XKR6: variants seen among roughly 807,000 people sequenced by gnomAD.
XKR6 encodes the protein XK related 6, also known as XK-related protein 6.
Under a neutral mutation model 56.7 loss-of-function variants are expected in XKR6, and 22 were observed. The ratio of observed to expected loss-of-function variants is 0.39; its 90% confidence interval spans 0.28 to 0.55. XKR6 has a LOEUF of 0.55. Ranked by LOEUF, XKR6 falls within the 20% of genes least tolerant of loss-of-function variation. XKR6 has a pLI of 0.66. For missense variants in XKR6, 852 were observed against 889.0 expected (o/e 0.96, Z 0.53); for synonymous variants, 524 against 387.8 (o/e 1.35, Z -4.13).
At chr8:10,905,087 G>T (rs1042469269) in intron 2 of XKR6, among the ~76,000 whole-genome samples, 1 of 152,122 alleles carries the variant, frequency 6.6e-6, no homozygotes, top group African/African-American at 2.4e-5. Context: ...TCCCATCAGC[G>T]GGTAGCCAGG....
chr8:10,901,261 G>A (rs962051839), intron 2 of XKR6, among the ~76,000 whole-genome samples: 1 of 151,988 alleles, frequency 6.6e-6, no homozygotes, highest in African/African-American at 2.4e-5. Context: ...TCACCATGTT[G>A]GCCAGGCTGG....
chr8:11,024,206 T>TA (rs1798810502), intron 1 of XKR6, among the ~76,000 whole-genome samples: 1 of 39,784 alleles, frequency 2.5e-5, no homozygotes, highest in African/African-American at 4.2e-4. Flanking sequence ...TGTTAGGAGG[T>TA]GTGTGTGTGT....
chr8:10,949,108 C>T (rs958898253), intron 1 of XKR6, among the ~76,000 whole-genome samples: 3 of 152,212 alleles, frequency 2.0e-5, no homozygotes, highest in South Asian at 2.1e-4. Context: ...CCTGGGAGTC[C>T]GGGGTGAGCC....
chr8:11,149,044 G>C (rs1049960366), intron 1 of XKR6, among the ~76,000 whole-genome samples: 8 of 152,210 alleles, frequency 5.3e-5, no homozygotes, highest in Non-Finnish European at 1.0e-4. Context: ...AGGCACATAA[G>C]GAAACTGTGG....
rs373188773 is a variant in XKR6, at chr8:11,076,137, T to C, written c.764+124439A>G. ...GCCCGTCACAAAATGACAAATACTA[T>C]ATGATGCTTCTTATATGAGGTCCAT... On this transcript the variant is annotated intron_variant, in intron 1 of 2. Transcript: ENST00000416569. Among the ~76,000 whole-genome samples, 12 of 152,324 alleles carry C rather than the reference T, an allele frequency of 7.9e-5. No homozygotes were observed. In the East Asian group the frequency reaches 1.5e-3, roughly 20 times the overall value.
intron 1 of XKR6, among the ~76,000 whole-genome samples, chr8:11,140,281 G>C (rs1563167803): frequency 6.6e-6 from 1 of 152,144 alleles, no homozygotes. Context: ...TACAATCCAA[G>C]AAACGTTTTC....
chr8:11,091,450 A>AATAAATAAATAAATAT (rs1798068130), intron 1 of XKR6, among the ~76,000 whole-genome samples: 19 of 151,854 alleles, frequency 1.3e-4, no homozygotes, highest in Non-Finnish European at 1.5e-5. Flanking sequence ...TAAATAAATA[A>AATAAATAAATAAATAT]ATAAATAGAT....
At chr8:11,080,873 G>C (rs1193206647) in intron 1 of XKR6, among the ~76,000 whole-genome samples, 1 of 152,216 alleles carries the variant, frequency 6.6e-6, no homozygotes, top group African/African-American at 2.4e-5. Flanking sequence ...CTTTGGAGAG[G>C]AGAATAGAGA....
chr8:10,916,768 T>C (rs1419603134), intron 2 of XKR6, among the ~76,000 whole-genome samples: 1 of 152,224 alleles, frequency 6.6e-6, no homozygotes, highest in East Asian at 1.9e-4. Flanking sequence ...GCACAGACAT[T>C]TCTGCTTAAT....
At chr8:10,968,329 G>C (rs1399416656) in intron 1 of XKR6, among the ~76,000 whole-genome samples, 2 of 152,250 alleles carry the variant, frequency 1.3e-5, no homozygotes, top group African/African-American at 4.8e-5. Flanking sequence ...TTAGAGAACA[G>C]AGAAGTTAGC....
chr8:11,021,970 C>G (rs1166086349), intron 1 of XKR6, among the ~76,000 whole-genome samples: 1 of 151,668 alleles, frequency 6.6e-6, no homozygotes, highest in Non-Finnish European at 1.5e-5. Flanking sequence ...GTTGCATTTC[C>G]TTAGCCTCTG....
chr8:11,177,867 G>A (rs1192305217), intron 1 of XKR6, among the ~76,000 whole-genome samples: 3 of 152,174 alleles, frequency 2.0e-5, no homozygotes, highest in Non-Finnish European at 4.4e-5. Context: ...CAGTTCCTGC[G>A]ATTAAATACT....
At chr8:11,087,050 C>T (rs189363293) in intron 1 of XKR6, among the ~76,000 whole-genome samples, 36 of 152,244 alleles carry the variant, frequency 2.4e-4, no homozygotes, top group Admixed American at 6.5e-4. Flanking sequence ...CAATTAACCC[C>T]GAACTCCCCT....
intron 1 of XKR6, among the ~76,000 whole-genome samples, chr8:11,009,789 T>C (rs1480592386): frequency 6.6e-6 from 1 of 152,234 alleles, no homozygotes. Context: ...GCATGGACTT[T>C]AATTAACACT....
chr8:11,088,541 G>A (rs1318231803), intron 1 of XKR6, among the ~76,000 whole-genome samples: 1 of 152,188 alleles, frequency 6.6e-6, no homozygotes, highest in African/African-American at 2.4e-5. Context: ...AAATGAAAGG[G>A]CTGAATGGCC....
chr8:10,966,767 C>T lies in XKR6; in HGVS notation c.765-41937G>A, dbSNP rs149530073. 7.9e-5 allele frequency among the ~76,000 whole-genome samples: 12 copies of T among 152,282 alleles called. No homozygotes were observed. The South Asian group carries it at 1.9e-3, about 24-fold the overall frequency. Reference sequence around the variant, plus strand: ...TAGAATAGGGTCTCTGGGGATGGGGCCCAGGAAACCAGGTTTTAACAAACC... The same window carrying T: ...TAGAATAGGGTCTCTGGGGATGGGGTCCAGGAAACCAGGTTTTAACAAACC... On this transcript the variant is annotated intron_variant, in intron 1 of 2. Coordinates refer to ENST00000416569, the MANE Select transcript of XKR6 (RefSeq NM_173683.4).
chr8:11,040,132 C>G (rs909615486), intron 1 of XKR6, among the ~76,000 whole-genome samples: 5 of 151,868 alleles, frequency 3.3e-5, no homozygotes, highest in Non-Finnish European at 5.9e-5. Context: ...GGACCCAGGC[C>G]GGGGGGACCT....
intron 1 of XKR6, among the ~76,000 whole-genome samples, chr8:11,146,092 A>G (rs1286218622): frequency 1.3e-5 from 2 of 152,220 alleles, no homozygotes; most frequent in African/African-American, 4.8e-5. Context: ...AAGAAAGAAT[A>G]GCCTTTCAAC....
chr8:11,168,299 G>A (rs2117036925), intron 1 of XKR6, among the ~76,000 whole-genome samples: 1 of 152,296 alleles, frequency 6.6e-6, no homozygotes, highest in South Asian at 2.1e-4. Flanking sequence ...ATATGTTGTT[G>A]AAGTTGAGAA....
Sources: allele counts gnomAD v4.1 joint callset (sites outside exome capture counted in the v4.1 genomes callset), GRCh38; gene constraint gnomAD v4.1.1; transcripts MANE v1.5; gene names NCBI Gene and HGNC (gene_info 2026-07-23, HGNC 2026-07-21).